The following EFR3A variants were observed in gnomAD, a reference collection of about 807,000 sequenced individuals.
EFR3A encodes EFR3 homolog A.
Under a neutral mutation model 104.4 loss-of-function variants are expected in EFR3A, and 76 were observed. The ratio of observed to expected loss-of-function variants is 0.73; its 90% CI spans 0.60 to 0.88. The LOEUF (loss-of-function observed/expected upper bound fraction) is 0.88. Ranked by LOEUF, EFR3A falls within the 40% of genes least tolerant of loss-of-function variation. EFR3A has a pLI of 0.00. For synonymous variants in EFR3A, 330 were observed against 330.0 expected (o/e 1.00, Z 0.00); for missense variants, 985 against 1,012.5 (o/e 0.97, Z 0.37).
At chr8:131,957,724 A>C (rs1819086261) in intron 7 of EFR3A, among the ~76,000 whole-genome samples, 1 of 152,010 alleles carries the variant, frequency 6.6e-6, no homozygotes, top group African/African-American at 2.4e-5. Flanking sequence ...ATTTGTAAAG[A>C]ATGCTTTTGT....
chr8:131,923,582 A>AGTCTAG (rs771956260), intron 1 of EFR3A, among the ~76,000 whole-genome samples: 115 of 149,728 alleles, frequency 7.7e-4, no homozygotes, highest in Non-Finnish European at 1.4e-3. Flanking sequence ...TGTTATTCTG[A>AGTCTAG]GTCTAGGTTT....
intron 1 of EFR3A, among the ~76,000 whole-genome samples, chr8:131,910,270 C>T (rs1243121137): frequency 6.6e-6 from 1 of 152,134 alleles, no homozygotes; most frequent in Non-Finnish European, 1.5e-5. Flanking sequence ...ACAGCTGCAG[C>T]CATCTTTCTC....
chr8:131,961,476 A>G lies in EFR3A; in HGVS notation c.855+1813A>G, dbSNP rs183190731. 4.0e-3 allele frequency among the ~76,000 whole-genome samples: 611 copies of G among 152,338 alleles called. 2 individuals carry two copies. The highest frequency in any genetic ancestry group is 6.0e-3 in the Non-Finnish European group (408 of 68,028). ...AAGGTTATCAGTGATGGAAGATCAA[A>G]TGAATGAAATGAAGCGAGAAGAGAA... On this transcript the variant is annotated intron_variant, in intron 8 of 22. Coordinates refer to ENST00000254624, the MANE Select transcript of EFR3A (RefSeq NM_015137.6).
chr8:131,983,208 G>GA (rs1820707280), intron 14 of EFR3A, among the ~76,000 whole-genome samples: 1 of 152,074 alleles, frequency 6.6e-6, no homozygotes, highest in South Asian at 2.1e-4. Flanking sequence ...CTCCACATGG[G>GA]AAAAAATGAG....
Position 132,011,126 on chromosome 8 carries a change from C to A in EFR3A, c.*231C>A. 1 of 1,190,910 alleles carries A rather than the reference C, an allele frequency of 8.4e-7. No homozygotes were observed. The highest frequency in any genetic ancestry group is 3.5e-5 in the South Asian group (1 of 28,266). 73.8% of individuals were successfully genotyped at this position (1,190,910 alleles called of 1,614,324 possible). A position where few individuals can be genotyped will look rare whatever the true frequency, so the allele number is the denominator to read the frequency against. On this transcript the variant is annotated 3_prime_UTR_variant, in exon 23 of 23. Coordinates refer to ENST00000254624, the MANE Select transcript of EFR3A (RefSeq NM_015137.6). ...TTAATTTGCTTTGAGGTTCCTGTTG[C>A]CTTTTTAAGTTGAACATGTTTTGGT...
chr8:131,975,975 A>T (rs749969452), intron 10 of EFR3A, 52 bp from the exon 11 acceptor site: 6 of 1,130,260 alleles, frequency 5.3e-6, no homozygotes, highest in Non-Finnish European at 6.5e-6. Flanking sequence ...TTTGTATTAT[A>T]TGGAAAAGTA....
At chr8:131,922,249 C>A (rs973616839) in intron 1 of EFR3A, among the ~76,000 whole-genome samples, 6 of 152,086 alleles carry the variant, frequency 3.9e-5, no homozygotes, top group Non-Finnish European at 8.8e-5. Context: ...ATGACCTCAT[C>A]TTGATTATAT....
At chr8:131,991,732 G>A (rs1821195511) in intron 18 of EFR3A, among the ~76,000 whole-genome samples, 1 of 152,086 alleles carries the variant, frequency 6.6e-6, no homozygotes, top group Admixed American at 6.6e-5. Flanking sequence ...GGCCATGTTG[G>A]GAAGGAACGT....
At chr8:131,935,508 A>G (rs186586703) in intron 1 of EFR3A, 16 of 448,938 alleles carry the variant, frequency 3.6e-5, no homozygotes, top group East Asian at 1.4e-4. Flanking sequence ...ATTTAAAAGT[A>G]TGAAATCTAG....
rs1409765319 is a variant in EFR3A at position 132,011,782 on chromosome 8, C to G, written c.*887C>G. On this transcript the variant is annotated 3_prime_UTR_variant, in exon 23 of 23. Coordinates refer to ENST00000254624, the MANE Select transcript of EFR3A (RefSeq NM_015137.6). ...GTGAAGAGTCTGTACATTTTGATTT[C>G]TATTAAGAGCACATTTATTTACATT... 1 of 152,398 alleles carries G rather than the reference C, an allele frequency of 6.6e-6. No homozygotes were observed. Among genetic ancestry groups the G allele is most frequent in the Non-Finnish European group, 1.5e-5 (1 of 68,014 alleles). The allele number at this position is 152,398 out of a possible 1,614,324, so 9.4% of individuals were successfully genotyped here.
Position 132,003,698 on chromosome 8 carries a change from A to T in EFR3A, c.2360+413A>T, listed in dbSNP as rs539087707. 2.0e-5 allele frequency among the ~76,000 whole-genome samples: 3 copies of T among 152,344 alleles called. No individual in the cohort carries two copies. The South Asian group carries it at 6.2e-4, about 32-fold the overall frequency. On this transcript the variant is annotated intron_variant, in intron 22 of 22. Coordinates refer to ENST00000254624, the MANE Select transcript of EFR3A (RefSeq NM_015137.6). ...TTTCAGGGCAGTAATAAGTCTACTT[A>T]TGCAGATAGCTCATTTGAATTATTG...
At chr8:131,973,509 C>T (rs1278734224) in intron 10 of EFR3A, among the ~76,000 whole-genome samples, 1 of 152,060 alleles carries the variant, frequency 6.6e-6, no homozygotes, top group Admixed American at 6.5e-5. Flanking sequence ...TTCAGAATAA[C>T]ATGTAAGAAT....
At chr8:131,980,710 A>G (rs983659631) in intron 14 of EFR3A, among the ~76,000 whole-genome samples, 3 of 152,090 alleles carry the variant, frequency 2.0e-5, no homozygotes, top group Non-Finnish European at 4.4e-5. Flanking sequence ...TATACAATAC[A>G]CTATTATTGA....
In EFR3A at chr8:131,929,148, C is replaced by G. The variant is rs376852068; in HGVS notation, c.11-11351C>G. Among the ~76,000 whole-genome samples, 5 of 152,154 alleles carry G rather than the reference C, an allele frequency of 3.3e-5. No individual in the cohort carries two copies. In the East Asian group the frequency reaches 9.6e-4, roughly 29 times the overall value. ...TACCTCAAATTTAATATGTGCAAAACAGAATTCATTCTCTCTTCTTGATAT... is the reference window on the plus strand; with the variant it reads ...TACCTCAAATTTAATATGTGCAAAAGAGAATTCATTCTCTCTTCTTGATAT... On this transcript the variant is annotated intron_variant, in intron 1 of 22. Transcript: ENST00000254624.
In EFR3A at chr8:131,975,285, A is replaced by G. The variant is rs1820267171; in HGVS notation, c.1160-742A>G. 2.0e-5 allele frequency among the ~76,000 whole-genome samples: 3 copies of G among 152,168 alleles called. No individual in the cohort carries two copies. In the South Asian group the frequency reaches 6.2e-4, roughly 32 times the overall value. On this transcript the variant is annotated intron_variant, in intron 10 of 22. Transcript: ENST00000254624. The stretch of plus-strand genomic sequence containing the variant: ...ATCCTGGAAAACCAGAGTAGTGACT[A>G]ATTATTAACTTCTTTACCAGACAAT...
At chr8:131,948,841 T>G (rs1347445036) in intron 4 of EFR3A, among the ~76,000 whole-genome samples, 2 of 152,138 alleles carry the variant, frequency 1.3e-5, no homozygotes, top group Non-Finnish European at 2.9e-5. Context: ...GCTGAGTGCC[T>G]TATGTTGTCA....
At chr8:132,005,697 G>A (rs1451480401) in intron 22 of EFR3A, among the ~76,000 whole-genome samples, 1 of 152,066 alleles carries the variant, frequency 6.6e-6, no homozygotes, top group Non-Finnish European at 1.5e-5. Context: ...TCTCATAAGA[G>A]TACTAAAACA....
chr8:131,960,063 A>G (rs1250681401), intron 8 of EFR3A, among the ~76,000 whole-genome samples: 1 of 152,144 alleles, frequency 6.6e-6, no homozygotes, highest in East Asian at 1.9e-4. Context: ...AACCATTTAA[A>G]TGAGTAGCTT....
At chr8:131,950,265 C>T (rs896318901) in intron 5 of EFR3A, among the ~76,000 whole-genome samples, 175 bp downstream of exon 5, 4 of 152,140 alleles carry the variant, frequency 2.6e-5, no homozygotes, top group African/African-American at 9.7e-5. Flanking sequence ...GGTTTTCCAG[C>T]TCACTAAAAT....
Sources: allele counts gnomAD v4.1 joint callset (sites outside exome capture counted in the v4.1 genomes callset), GRCh38; gene constraint gnomAD v4.1.1; transcripts MANE v1.5; gene names NCBI Gene and HGNC (gene_info 2026-07-23, HGNC 2026-07-21).